RBFOX1: variants seen among roughly 807,000 people sequenced by gnomAD.
The protein encoded by RBFOX1 is RNA binding protein fox-1 homolog 1.
Under a neutral mutation model 57.7 loss-of-function variants are expected in RBFOX1, and 8 were observed. That is an observed-to-expected ratio of 0.14 (90% CI 0.08 to 0.25). RBFOX1 has a LOEUF of 0.25. RBFOX1 is among the 10% of genes least tolerant of loss of function. The pLI is 1.00. For synonymous variants in RBFOX1, 326 were observed against 222.4 expected, an observed-to-expected ratio of 1.47 and a Z score of -4.15; for missense variants, 611 against 548.5, an observed-to-expected ratio of 1.11 and a Z score of -1.14.
At chr16:5,593,422 A>G (rs1214278884) in intron 2 of RBFOX1, among the ~76,000 whole-genome samples, 2 of 152,268 alleles carry the variant, frequency 1.3e-5, no homozygotes, top group Non-Finnish European at 2.9e-5. Flanking sequence ...GCAAACCACC[A>G]TGGCACATGT....
chr16:7,243,532 T>G (rs1186821090), intron 4 of RBFOX1, among the ~76,000 whole-genome samples: 1 of 152,176 alleles, frequency 6.6e-6, no homozygotes, highest in Non-Finnish European at 1.5e-5. Context: ...AGTTGACCCC[T>G]TACTCTTTAT....
At chr16:6,129,100 T>C (rs1353534918) in intron 1 of RBFOX1, among the ~76,000 whole-genome samples, 3 of 152,182 alleles carry the variant, frequency 2.0e-5, no homozygotes, top group Non-Finnish European at 2.9e-5. Flanking sequence ...ATTATGCATC[T>C]TGTTCAACAT....
At position 6,081,263 on chromosome 16, in the gene RBFOX1, C is replaced by T. The variant is rs1164843545; in HGVS notation, c.-127+61271C>T. Among the ~76,000 whole-genome samples the T allele has an allele frequency of 2.0e-5, 3 of 152,176 alleles. No individual in the cohort carries two copies. The East Asian group carries it at 5.8e-4, about 29-fold the overall frequency. ...TCAGGTTAAAAGCGCCTACCCCTTT[C>T]AGCTCAGCCAAGATCATCTCTCATT... On this transcript the variant is annotated intron_variant, in intron 1 of 15. Coordinates refer to ENST00000550418, the MANE Select transcript of RBFOX1 (RefSeq NM_018723.4).
intron 2 of RBFOX1, among the ~76,000 whole-genome samples, chr16:6,376,108 A>G (rs1192422284): frequency 2.6e-5 from 4 of 152,162 alleles, no homozygotes; most frequent in Admixed American, 2.6e-4. Context: ...TTCTTTTACA[A>G]TGAGCTCTCA....
chr16:7,399,341 G>A (rs941402919), intron 4 of RBFOX1, among the ~76,000 whole-genome samples: 7 of 152,144 alleles, frequency 4.6e-5, no homozygotes, highest in Non-Finnish European at 8.8e-5. Flanking sequence ...CAGCTACGTG[G>A]GAGGCTGAAG....
chr16:6,347,993 G>T (rs1184315196), intron 2 of RBFOX1, among the ~76,000 whole-genome samples: 1 of 152,192 alleles, frequency 6.6e-6, no homozygotes, highest in Non-Finnish European at 1.5e-5. Flanking sequence ...CAGGCCTTCA[G>T]GCGTGAAAGT....
intron 4 of RBFOX1, among the ~76,000 whole-genome samples, chr16:5,982,283 C>CT (rs891745640): frequency 9.4e-5 from 14 of 148,626 alleles, no homozygotes; most frequent in Non-Finnish European, 1.9e-4. Context: ...TTTTTTTTTT[C>CT]TTTTTTTTGA....
At chr16:6,267,087 A>G (rs1190447471) in intron 1 of RBFOX1, among the ~76,000 whole-genome samples, 1 of 152,172 alleles carries the variant, frequency 6.6e-6, no homozygotes, top group Non-Finnish European at 1.5e-5. Flanking sequence ...GTGGTGTTTG[A>G]AGAGTTCCCC....
intron 4 of RBFOX1, among the ~76,000 whole-genome samples, chr16:5,904,143 C>T (rs1045950645): frequency 1.5e-4 from 23 of 152,032 alleles, no homozygotes; most frequent in Non-Finnish European, 7.4e-5. Context: ...TTGGATCATT[C>T]GGAGATCGGC....
intron 4 of RBFOX1, among the ~76,000 whole-genome samples, chr16:7,140,623 C>T (rs147905220): frequency 2.6e-5 from 4 of 152,210 alleles, no homozygotes; most frequent in African/African-American, 4.8e-5. Context: ...TGGCATATTT[C>T]TAGGCAGAGC....
intron 2 of RBFOX1, among the ~76,000 whole-genome samples, chr16:6,359,387 C>T (rs949000959): frequency 2.6e-5 from 4 of 152,174 alleles, no homozygotes; most frequent in Non-Finnish European, 1.5e-5. Flanking sequence ...GCCACTGCAC[C>T]TGGCCTAAAA....
chr16:7,445,607 C>T (rs1391735808), intron 4 of RBFOX1, among the ~76,000 whole-genome samples: 3 of 152,120 alleles, frequency 2.0e-5, no homozygotes, highest in African/African-American at 7.2e-5. Flanking sequence ...TGCCATGAAA[C>T]CCTGCACAGA....
intron 3 of RBFOX1, among the ~76,000 whole-genome samples, chr16:6,931,922 G>T (rs920586253): frequency 1.3e-5 from 2 of 152,148 alleles, no homozygotes; most frequent in African/African-American, 4.8e-5. Flanking sequence ...GAGGCGAGGA[G>T]TAAGCAAGAG....
intron 4 of RBFOX1, among the ~76,000 whole-genome samples, chr16:7,496,895 G>C (rs747155228): frequency 6.6e-6 from 1 of 152,028 alleles, no homozygotes; most frequent in Non-Finnish European, 1.5e-5. Flanking sequence ...AAAAAATTAG[G>C]ATTAGAGTCA....
At chr16:5,843,646 C>T (rs1470798591) in intron 3 of RBFOX1, among the ~76,000 whole-genome samples, 1 of 152,328 alleles carries the variant, frequency 6.6e-6, no homozygotes, top group South Asian at 2.1e-4. Flanking sequence ...TTATTTTTAA[C>T]ACATTATACC....
At chr16:7,613,131 G>A (rs1231162579) in intron 10 of RBFOX1, among the ~76,000 whole-genome samples, 1 of 152,152 alleles carries the variant, frequency 6.6e-6, no homozygotes, top group African/African-American at 2.4e-5. Context: ...ATGCAGAGTA[G>A]ATCAACTTGA....
intron 14 of RBFOX1, among the ~76,000 whole-genome samples, chr16:7,702,021 CCTGCAT>C (rs1178341624): frequency 6.6e-6 from 1 of 152,168 alleles, no homozygotes; most frequent in Non-Finnish European, 1.5e-5. Context: ...TCTCCATGTA[CCTGCAT>C]AGTGCACTGA....
Position 6,820,762 on chromosome 16 carries a change from T to C in RBFOX1, c.-16+166112T>C, listed in dbSNP as rs193034269. On this transcript the variant is annotated intron_variant, in intron 3 of 15. Transcript: ENST00000550418. ...GCCTCTATAGGCCTCAAATCGATGC[T>C]AAGTCAGAGACTTATTACTGCAAAA... Among the ~76,000 whole-genome samples the C allele has an allele frequency of 9.2e-3, 1,402 of 152,276 alleles. 8 individuals carry two copies. Among genetic ancestry groups the C allele is most frequent in the Middle Eastern group, 0.017 (5 of 294 alleles).
intron 3 of RBFOX1, among the ~76,000 whole-genome samples, chr16:5,633,036 T>G (rs899090338): frequency 6.7e-6 from 1 of 148,824 alleles, no homozygotes; most frequent in African/African-American, 2.5e-5. Flanking sequence ...CCTCCCAAGT[T>G]CAAGTGATTC....
Sources: allele counts gnomAD v4.1 joint callset (sites outside exome capture counted in the v4.1 genomes callset), GRCh38; gene constraint gnomAD v4.1.1; transcripts MANE v1.5; gene names NCBI Gene and HGNC (gene_info 2026-07-23, HGNC 2026-07-21).